Variants in FAM184B observed in about 807,000 individuals in gnomAD.
FAM184B encodes the protein family with sequence similarity 184 member B.
Under a neutral mutation model 135.9 loss-of-function variants are expected in FAM184B, and 111 were observed. The ratio of observed to expected loss-of-function variants is 0.82; its 90% CI spans 0.70 to 0.96. The LOEUF is 0.96. Ranked by LOEUF, FAM184B falls within the 40% of genes least tolerant of loss-of-function variation. The pLI, the probability that FAM184B is intolerant of heterozygous loss-of-function variation, is 0.00. For synonymous variants in FAM184B, 552 were observed against 524.8 expected (o/e 1.05, Z -0.71); for missense variants, 1,375 against 1,323.9 (o/e 1.04, Z -0.60).
chr4:17,711,839 G>A (rs1717279674), intron 1 of FAM184B, among the ~76,000 whole-genome samples: 1 of 152,214 alleles, frequency 6.6e-6, no homozygotes, highest in Admixed American at 6.5e-5. Flanking sequence ...ACAGGAGAAT[G>A]AGGGAGCTCT....
At chr4:17,639,517 A>G (rs1715245871) in intron 13 of FAM184B, 121 bp from the exon 14 acceptor site, 1 of 1,173,748 alleles carries the variant, frequency 8.5e-7, no homozygotes, top group Non-Finnish European at 1.2e-6. Context: ...AGAAATTGTG[A>G]TCTAAGGACA....
chr4:17,765,251 A>C (rs73800391), intron 1 of FAM184B, among the ~76,000 whole-genome samples: 2 of 152,056 alleles, frequency 1.3e-5, no homozygotes, highest in Non-Finnish European at 2.9e-5. Context: ...TAATCACTAC[A>C]TATTTCTTTT....
chr4:17,702,486 C>A (rs1260662342), intron 5 of FAM184B, among the ~76,000 whole-genome samples: 2 of 152,104 alleles, frequency 1.3e-5, no homozygotes, highest in Non-Finnish European at 2.9e-5. Context: ...TAGGGTAGCA[C>A]TTAGGATACA....
rs199549580 is a variant in FAM184B, at chr4:17,632,043, ATTTTTTTTTTTTTTTTT to A, written c.*472_*488del. ...TTTTAATAACACTGGTTTAATGTCA[ATTTTTTTTTTTTTTTTT>A]TTTTTTTTTTTTTTTTTTTTTTTTT... On this transcript the variant is annotated 3_prime_UTR_variant, in exon 18 of 18. Coordinates refer to ENST00000265018, the MANE Select transcript of FAM184B (RefSeq NM_015688.2). The A allele has an allele frequency of 6.0e-4, 71 of 117,598 alleles. No homozygotes were observed. The highest frequency in any genetic ancestry group is 2.0e-3 in the East Asian group (9 of 4,602). 7.3% of individuals were successfully genotyped at this position (117,598 alleles called of 1,614,324 possible). A position where few individuals can be genotyped will look rare whatever the true frequency, so the allele number is the denominator to read the frequency against.
intron 2 of FAM184B, among the ~76,000 whole-genome samples, chr4:17,708,357 T>C (rs1218997953): frequency 6.6e-6 from 1 of 151,814 alleles, no homozygotes; most frequent in Non-Finnish European, 1.5e-5. Context: ...TCAATAAATA[T>C]CTGTGGGTGG....
chr4:17,637,418 G>T (rs1715176854), intron 14 of FAM184B, among the ~76,000 whole-genome samples: 1 of 152,212 alleles, frequency 6.6e-6, no homozygotes, highest in Non-Finnish European at 1.5e-5. Flanking sequence ...GACTGGAGTT[G>T]ATAAGAGCCC....
Position 17,664,663 on chromosome 4 carries a change from A to T in FAM184B, c.1597-4T>A. The T allele has an allele frequency of 1.3e-6, 2 of 1,524,002 alleles. No homozygotes were observed. The highest frequency in any genetic ancestry group is 1.8e-6 in the Non-Finnish European group (2 of 1,137,004). The allele number at this position is 1,524,002 out of a possible 1,614,324, so 94.4% of individuals were successfully genotyped here. On this transcript the variant is annotated splice_region_variant and splice_polypyrimidine_tract_variant and intron_variant, in intron 7 of 17. Coordinates refer to ENST00000265018, the MANE Select transcript of FAM184B (RefSeq NM_015688.2). ...CATCCAGCTTCAAGCATGGATCCTAAGGCCAAAAAAGAAAAAGAAAAAAAA... is the reference window on the plus strand; with the variant it reads ...CATCCAGCTTCAAGCATGGATCCTATGGCCAAAAAAGAAAAAGAAAAAAAA...
At chr4:17,663,342 TAGTATTGGA>T (rs1368461672) in intron 8 of FAM184B, among the ~76,000 whole-genome samples, 1 of 152,082 alleles carries the variant, frequency 6.6e-6, no homozygotes, top group Non-Finnish European at 1.5e-5. Flanking sequence ...CTGTTCAACA[TAGTATTGGA>T]AGTTCTGGCC....
At chr4:17,699,285 G>C (rs1171160223) in intron 5 of FAM184B, among the ~76,000 whole-genome samples, 1 of 129,200 alleles carries the variant, frequency 7.7e-6, no homozygotes, top group African/African-American at 2.8e-5. Context: ...AGAGAAGCAA[G>C]AGCAGGAAAA....
At chr4:17,687,575 G>A (rs748452213) in intron 7 of FAM184B, among the ~76,000 whole-genome samples, 6 of 152,254 alleles carry the variant, frequency 3.9e-5, no homozygotes, top group East Asian at 1.9e-4. Flanking sequence ...AATTAGTTAC[G>A]ATGAGGTCAT....
chr4:17,764,895 T>G (rs1044710862), intron 1 of FAM184B, among the ~76,000 whole-genome samples: 2 of 151,976 alleles, frequency 1.3e-5, no homozygotes, highest in African/African-American at 4.8e-5. Flanking sequence ...CAAGAGCTTG[T>G]CTCTACAAAA....
At chr4:17,771,592 AT>A (rs779198373) in intron 1 of FAM184B, among the ~76,000 whole-genome samples, 3 of 152,154 alleles carry the variant, frequency 2.0e-5, no homozygotes, top group Non-Finnish European at 4.4e-5. Context: ...GCAAGAGGAT[AT>A]TTTCAGAAAA....
chr4:17,659,775 C>T (rs7671752), intron 9 of FAM184B, among the ~76,000 whole-genome samples, 183 bp downstream of exon 9: 81,594 of 152,064 alleles, frequency 0.54, 23,851 homozygotes, highest in East Asian at 0.83. Context: ...CGTGAGCCAC[C>T]GTGCCTGGCT....
intron 1 of FAM184B, among the ~76,000 whole-genome samples, chr4:17,775,237 G>T (rs1718902814): frequency 6.6e-6 from 1 of 151,976 alleles, no homozygotes; most frequent in Middle Eastern, 3.2e-3. Flanking sequence ...CCAGGCTGGA[G>T]TGTAGTGGTG....
chr4:17,634,874 A>AT, intron 16 of FAM184B, 135 bp downstream of exon 16: 1 of 577,074 alleles, frequency 1.7e-6, no homozygotes, highest in Non-Finnish European at 2.9e-6. Flanking sequence ...CCATAGATAT[A>AT]AACAAGTGGG....
intron 1 of FAM184B, among the ~76,000 whole-genome samples, chr4:17,721,150 C>T (rs544033445): frequency 3.3e-5 from 5 of 151,310 alleles, no homozygotes; most frequent in African/African-American, 7.3e-5. Flanking sequence ...TTTCGGAGGC[C>T]GAGAAGGCGG....
At chr4:17,761,255 C>T (rs1012235925) in intron 1 of FAM184B, among the ~76,000 whole-genome samples, 2 of 152,092 alleles carry the variant, frequency 1.3e-5, no homozygotes, top group Admixed American at 6.5e-5. Context: ...CTCTCTCTCT[C>T]TCTCTCTCCC....
chr4:17,684,654 G>A (rs981638384), intron 7 of FAM184B, among the ~76,000 whole-genome samples: 5 of 152,154 alleles, frequency 3.3e-5, no homozygotes, highest in African/African-American at 1.2e-4. Context: ...AATGAATAAC[G>A]TGCATATTGA....
rs79121259 is a variant in FAM184B, at chr4:17,709,282, G to C, written c.504C>G (p.His168Gln). The C allele has an allele frequency of 2.3e-3, 3,609 of 1,548,432 alleles. 74 individuals are homozygous for C. The East Asian group carries it at 0.038, about 16-fold the overall frequency. The change falls in exon 2 of 18, where the codon CAC becomes CAG. Residue 168 changes from histidine to glutamine, a missense_variant. Physicochemically the swap from His to Gln is conservative, Grantham distance 24. Transcript: ENST00000265018. Reference protein sequence around the residue: ...YERRLQHLTSHEATPQGRLPQ... With the variant: ...YERRLQHLTSQEATPQGRLPQ... Reference sequence around the variant, plus strand: ...GCAGCCGGCCCTGCGGGGTAGCCTCGTGGCTCGTCAGGTGCTGGAGCCTCC... The same window carrying C: ...GCAGCCGGCCCTGCGGGGTAGCCTCCTGGCTCGTCAGGTGCTGGAGCCTCC...
Sources: allele counts gnomAD v4.1 joint callset (sites outside exome capture counted in the v4.1 genomes callset), GRCh38; gene constraint gnomAD v4.1.1; transcripts MANE v1.5; gene names NCBI Gene and HGNC (gene_info 2026-07-23, HGNC 2026-07-21).